The following THSD4 variants were observed in gnomAD, a reference collection of about 807,000 sequenced individuals.
THSD4 encodes the protein thrombospondin type 1 domain containing 4, also known as thrombospondin type-1 domain-containing protein 4.
A neutral mutation model predicts 119.0 loss-of-function variants in THSD4; 69 were observed. That is an observed-to-expected ratio of 0.58 (90% confidence interval 0.48 to 0.71). The LOEUF is 0.71. THSD4 is among the 30% of genes least tolerant of loss of function. The pLI is 0.00. For missense variants in THSD4, 1,393 were observed against 1,391.1 expected (o/e 1.00, Z -0.02); for synonymous variants, 524 against 540.4 (o/e 0.97, Z 0.42).
In THSD4 at chr15:71,147,439, G is replaced by C. The variant is rs148513546; in HGVS notation, c.29+5883G>C. ...TGCCCAGGCTGATCTTAAACCCCTG[G>C]ACAGCAACACGTTCTTTAGTGACTG... is the stretch of plus-strand genomic sequence containing the variant. On this transcript the variant is annotated intron_variant, in intron 2 of 17. Coordinates refer to ENST00000261862, the MANE Select transcript of THSD4 (RefSeq NM_024817.3). Among the ~76,000 whole-genome samples the C allele has an allele frequency of 1.7e-3, 263 of 152,172 alleles. 1 individual carries two copies. The highest frequency in any genetic ancestry group is 6.2e-3 in the African/African-American group (258 of 41,506).
chr15:71,450,580 T>C (rs942305465), intron 7 of THSD4, among the ~76,000 whole-genome samples: 3 of 152,222 alleles, frequency 2.0e-5, no homozygotes, highest in African/African-American at 7.2e-5. Flanking sequence ...CATCCAAGGT[T>C]ATGTAACAAG....
intron 4 of THSD4, among the ~76,000 whole-genome samples, chr15:71,241,198 A>T (rs940570945): frequency 6.6e-6 from 1 of 152,232 alleles, no homozygotes; most frequent in African/African-American, 2.4e-5. Flanking sequence ...ATGTAGAATT[A>T]ATTATTATGG....
At chr15:71,471,760 C>T (rs567874815) in intron 7 of THSD4, among the ~76,000 whole-genome samples, 2 of 151,768 alleles carry the variant, frequency 1.3e-5, no homozygotes, top group South Asian at 2.1e-4. Flanking sequence ...ACTGGGTGGC[C>T]GGGAGGATTC....
intron 11 of THSD4, 22 bp downstream of exon 11, chr15:71,738,029 G>T (rs200596462): frequency 6.2e-7 from 1 of 1,611,662 alleles, no homozygotes; most frequent in Admixed American, 1.7e-5. Flanking sequence ...TGGGGGACGG[G>T]TGGATCCCTG....
intron 6 of THSD4, among the ~76,000 whole-genome samples, chr15:71,340,131 C>A (rs555389685): frequency 6.6e-6 from 1 of 152,196 alleles, no homozygotes; most frequent in Non-Finnish European, 1.5e-5. Flanking sequence ...GACCTTAACA[C>A]TTAATCAGTA....
intron 7 of THSD4, among the ~76,000 whole-genome samples, chr15:71,476,494 G>A (rs1327788567): frequency 6.6e-6 from 1 of 152,058 alleles, no homozygotes; most frequent in Admixed American, 6.5e-5. Context: ...CACCCACCTC[G>A]GCCTCCCAAA....
At chr15:71,355,375 T>G (rs1479050655) in intron 6 of THSD4, among the ~76,000 whole-genome samples, 1 of 152,156 alleles carries the variant, frequency 6.6e-6, no homozygotes, top group African/African-American at 2.4e-5. Context: ...CCAGCTAGTT[T>G]AAAGGCTGTG....
intron 6 of THSD4, among the ~76,000 whole-genome samples, chr15:71,335,017 AGCTC>A (rs1490289090): frequency 3.9e-5 from 6 of 152,134 alleles, no homozygotes; most frequent in African/African-American, 1.4e-4. Flanking sequence ...GAATTAATGG[AGCTC>A]AGGTCTGGGG....
At chr15:71,560,296 A>T (rs2140878193) in intron 7 of THSD4, among the ~76,000 whole-genome samples, 1 of 152,368 alleles carries the variant, frequency 6.6e-6, no homozygotes. Flanking sequence ...CACCAAGGCA[A>T]AATAAACAAT....
At chr15:71,441,886 T>G (rs547848223) in intron 7 of THSD4, among the ~76,000 whole-genome samples, 5 of 152,250 alleles carry the variant, frequency 3.3e-5, no homozygotes, top group Middle Eastern at 3.4e-3. Context: ...AAAAGAGCCC[T>G]AGACAATGCC....
In THSD4 at chr15:71,597,220, G is replaced by C. The variant is rs141375276; in HGVS notation, c.1153-63310G>C. On this transcript the variant is annotated intron_variant, in intron 7 of 17. Coordinates refer to ENST00000261862, the MANE Select transcript of THSD4 (RefSeq NM_024817.3). ...ACGTTTTCTGTCACAGGCCTTCCTT[G>C]GTGCTACCCGGAATCTCCTGTCTCA... Among the ~76,000 whole-genome samples, 184 of 152,162 alleles carry C rather than the reference G, an allele frequency of 1.2e-3. 1 individual carries two copies. Among genetic ancestry groups the C allele is most frequent in the African/African-American group, 4.2e-3 (176 of 41,518 alleles).
intron 14 of THSD4, among the ~76,000 whole-genome samples, chr15:71,753,396 G>T (rs1249661181): frequency 6.6e-6 from 1 of 152,110 alleles, no homozygotes; most frequent in South Asian, 2.1e-4. Context: ...AAGTTTTCCA[G>T]GAAAAAAATA....
At chr15:71,653,210 A>G (rs1484799297) in intron 7 of THSD4, among the ~76,000 whole-genome samples, 1 of 152,256 alleles carries the variant, frequency 6.6e-6, no homozygotes, top group African/African-American at 2.4e-5. Context: ...GCAATCTTAA[A>G]GAACTCGAGA....
chr15:71,236,267 C>T (rs1016110417), intron 4 of THSD4, among the ~76,000 whole-genome samples: 1 of 152,240 alleles, frequency 6.6e-6, no homozygotes, highest in Non-Finnish European at 1.5e-5. Flanking sequence ...GTCCTGGAAA[C>T]TGAGAGGAGG....
chr15:71,409,052 C>T (rs1009575411), intron 6 of THSD4, among the ~76,000 whole-genome samples: 1 of 152,036 alleles, frequency 6.6e-6, no homozygotes, highest in African/African-American at 2.4e-5. Flanking sequence ...TCCCCAGTGT[C>T]TACTGGTGGG....
At chr15:71,480,783 A>G (rs1294070101) in intron 7 of THSD4, among the ~76,000 whole-genome samples, 1 of 152,212 alleles carries the variant, frequency 6.6e-6, no homozygotes, top group African/African-American at 2.4e-5. Flanking sequence ...GGCCCAGCCT[A>G]AAGTCAGGGG....
upstream of THSD4, among the ~76,000 whole-genome samples, chr15:71,114,318 G>T (rs373923814): frequency 6.6e-5 from 10 of 152,068 alleles, 1 homozygote; most frequent in East Asian, 1.9e-3. Flanking sequence ...TGGCTCTGGG[G>T]CAGGGAGCTT....
intron 7 of THSD4, among the ~76,000 whole-genome samples, chr15:71,448,301 A>G (rs1287772584): frequency 6.6e-6 from 1 of 152,200 alleles, no homozygotes; most frequent in Non-Finnish European, 1.5e-5. Flanking sequence ...GAGAAATGTC[A>G]TTTGCCCAAG....
At chr15:71,709,984 AT>A (rs2052475973) in intron 8 of THSD4, among the ~76,000 whole-genome samples, 1 of 152,208 alleles carries the variant, frequency 6.6e-6, no homozygotes, top group Non-Finnish European at 1.5e-5. Context: ...GATGTGGGGA[AT>A]CCCCTGCCTC....
Sources: allele counts gnomAD v4.1 joint callset (sites outside exome capture counted in the v4.1 genomes callset), GRCh38; gene constraint gnomAD v4.1.1; transcripts MANE v1.5; gene names NCBI Gene and HGNC (gene_info 2026-07-23, HGNC 2026-07-21).